OR2F2: variants seen among roughly 807,000 people sequenced by gnomAD.
The protein encoded by OR2F2 is olfactory receptor family 2 subfamily F member 2, also known as olfactory receptor 2F2.
For synonymous variants in OR2F2, 161 were observed against 159.0 expected (o/e 1.01, Z -0.09); for missense variants, 375 against 380.2 (o/e 0.99, Z 0.11).
At position 143,935,513 on chromosome 7, in the gene OR2F2, TCCAGAGCTGTGCAGC is replaced by T; in HGVS notation, c.286_300del (p.Ser96_Gln100del). On this transcript the variant is annotated inframe_deletion, in exon 1 of 1. Transcript: ENST00000408955. ...CTTGCAGAACATAAAGCCATCCCAT[TCCAGAGCTGTGCAGC>T]CCAGTTATTTTTCTCCCTGGCCTTG... is the stretch of plus-strand genomic sequence containing the variant. The T allele has an allele frequency of 6.2e-7, 1 of 1,614,200 alleles. No homozygotes were observed. The highest frequency in any genetic ancestry group is 8.5e-7 in the Non-Finnish European group (1 of 1,180,032).
At position 143,935,742 on chromosome 7, in the gene OR2F2, T is replaced by A. The variant is rs538779776; in HGVS notation, c.510T>A (p.Thr170=). The A allele has an allele frequency of 1.1e-5, 18 of 1,614,210 alleles. No individual in the cohort carries two copies. The East Asian group carries it at 1.6e-4, about 14-fold the overall frequency. The part of the protein sequence containing the change: ...TAITFQLPMC[T]NKFIDHISCE... Reference sequence around the variant, plus strand: ...TCACCTTTCAGCTGCCCATGTGCACTAACAAGTTTATTGATCACATATCCT... The same window carrying A: ...TCACCTTTCAGCTGCCCATGTGCACAAACAAGTTTATTGATCACATATCCT... Residue 170 remains threonine, a synonymous_variant, in exon 1 of 1, where the codon ACT becomes ACA. Transcript: ENST00000408955.
At position 143,935,660 on chromosome 7, in the gene OR2F2, G is replaced by C. The variant is rs766534608; in HGVS notation, c.428G>C (p.Arg143Thr). Residue 143 changes from arginine (R) to threonine (T), a missense_variant, in exon 1 of 1, where the codon AGG (arginine) becomes ACG (threonine). Transcript: ENST00000408955. Reference sequence around the variant, plus strand: ...ATCATGCATGGAGGGCTGTGTGCTAGGTTGGCCATCACATCCTGGGTCAGT... The same window carrying C: ...ATCATGCATGGAGGGCTGTGTGCTACGTTGGCCATCACATCCTGGGTCAGT... ...SAIMHGGLCA[R>T]LAITSWVSGS... is the part of the protein sequence containing the mutation. 2 of 1,614,106 alleles carry C rather than the reference G, an allele frequency of 1.2e-6. No homozygotes were observed. The highest frequency in any genetic ancestry group is 3.3e-5 in the Admixed American group (2 of 60,012).
chr7:143,935,519 G>A lies in OR2F2; in HGVS notation c.287G>A (p.Ser96Asn). The change falls in exon 1 of 1, where the codon AGC (serine) becomes AAC (asparagine). Residue 96 changes from serine (S) to asparagine (N), a missense_variant. Ser to Asn is a conservative substitution (Grantham distance 46, BLOSUM62 1). Transcript: ENST00000408955. ...LAEHKAIPFQ[S>N]CAAQLFFSLA... Reference sequence around the variant, plus strand: ...GAACATAAAGCCATCCCATTCCAGAGCTGTGCAGCCCAGTTATTTTTCTCC... The same window carrying A: ...GAACATAAAGCCATCCCATTCCAGAACTGTGCAGCCCAGTTATTTTTCTCC... The A allele has an allele frequency of 6.2e-7, 1 of 1,614,188 alleles. No individual in the cohort carries two copies. The highest frequency in any genetic ancestry group is 1.1e-5 in the South Asian group (1 of 91,078).
rs1038121941 is a variant in OR2F2 at position 143,935,701 on chromosome 7, CTT to C, written c.470_471del (p.Leu157ArgfsTer14). On this transcript the variant is annotated frameshift_variant, in exon 1 of 1. Coordinates refer to ENST00000408955, the MANE Select transcript of OR2F2 (RefSeq NM_001004685.1). LOFTEE classifies it low-confidence loss of function (END_TRUNC). ...CTGGGTCAGTGGCTCCATCAACTCT[CTT>C]GTGCAGACTGCTATCACCTTTCAGC... ...TSWVSGSINS[L>X]VQTAITFQLP... 6.2e-7 allele frequency: 1 copy of C among 1,614,116 alleles called. No homozygotes were observed. The highest frequency in any genetic ancestry group is 1.3e-5 in the African/African-American group (1 of 74,940).
Position 143,935,867 on chromosome 7 carries a change from G to A in OR2F2, c.635G>A (p.Cys212Tyr), listed in dbSNP as rs1170966215. 6.2e-7 allele frequency: 1 copy of A among 1,614,010 alleles called. No individual in the cohort carries two copies. Among genetic ancestry groups the A allele is most frequent in the Non-Finnish European group, 8.5e-7 (1 of 1,180,046 alleles). Residue 212 changes from cysteine to tyrosine, a missense_variant, in exon 1 of 1, where the codon TGC becomes TAC. By Grantham distance (194) the Cys-to-Tyr change is radical. Coordinates refer to ENST00000408955, the MANE Select transcript of OR2F2 (RefSeq NM_001004685.1). ...ATTGTTCTTCTGATGACACCTTTCT[G>A]CCTGGTTCTGTTGTCCTACATCCGG... ...SSIVLLMTPF[C>Y]LVLLSYIRII...
rs774184226 is a variant in OR2F2, at chr7:143,936,171, C to T, written c.939C>T (p.Ser313=). 33 of 1,600,790 alleles carry T rather than the reference C, an allele frequency of 2.1e-5. No homozygotes were observed. Among genetic ancestry groups the T allele is most frequent in the Non-Finnish European group, 2.6e-5 (30 of 1,174,162 alleles). The change falls in exon 1 of 1, where the codon TCC becomes TCT. Residue 313 remains serine (S), a synonymous_variant. Coordinates refer to ENST00000408955, the MANE Select transcript of OR2F2 (RefSeq NM_001004685.1). The part of the protein sequence containing the change: ...KLLEKFSGLT[S]KLGT Reference sequence around the variant, plus strand: ...TAGAGAAATTCTCTGGGTTAACATCCAAGCTGGGAACTTGACTCATGAACA... The same window carrying T: ...TAGAGAAATTCTCTGGGTTAACATCTAAGCTGGGAACTTGACTCATGAACA...
In OR2F2 at chr7:143,936,049, C is replaced by G; in HGVS notation, c.817C>G (p.Leu273Val). The change falls in exon 1 of 1, where the codon CTG becomes GTG. Residue 273 changes from leucine (L) to valine (V), a missense_variant. Leu to Val is a conservative substitution (Grantham distance 32, BLOSUM62 1). Coordinates refer to ENST00000408955, the MANE Select transcript of OR2F2 (RefSeq NM_001004685.1). ...TGGTCCCTCAGTCCTTCAAGAGAAG[C>G]TGATCTCTGTCTTCTATGCCATTGT... ...HSGPSVLQEKLISVFYAIVMP... is the reference protein window; with the variant it reads ...HSGPSVLQEKVISVFYAIVMP... 1 of 1,614,080 alleles carries G rather than the reference C, an allele frequency of 6.2e-7. No homozygotes were observed. The highest frequency in any genetic ancestry group is 1.1e-5 in the South Asian group (1 of 91,072).
In OR2F2 at chr7:143,935,403, T is replaced by G. The variant is rs796426417; in HGVS notation, c.171T>G (p.Thr57=). The G allele has an allele frequency of 3.7e-6, 6 of 1,614,172 alleles. No individual in the cohort carries two copies. In the African/African-American group the frequency reaches 8.0e-5, roughly 22 times the overall value. ...LLIRLDSRLH[T]PMYFFLTNLS... is the part of the protein sequence containing the mutation. ...TCAGACTGGACAGCCGACTCCACAC[T>G]CCCATGTATTTCTTTCTCACCAACC... is the stretch of plus-strand genomic sequence containing the variant. The change falls in exon 1 of 1, where the codon ACT becomes ACG. Residue 57 remains threonine, a synonymous_variant. Transcript: ENST00000408955.
Position 143,935,740 on chromosome 7 carries a change from A to G in OR2F2, c.508A>G (p.Thr170Ala), listed in dbSNP as rs13229174. Residue 170 changes from threonine to alanine, a missense_variant, in exon 1 of 1, where the codon ACT becomes GCT. By Grantham distance (58) the Thr-to-Ala change is moderately conservative. Transcript: ENST00000408955. ...TATCACCTTTCAGCTGCCCATGTGCACTAACAAGTTTATTGATCACATATC... is the reference window on the plus strand; with the variant it reads ...TATCACCTTTCAGCTGCCCATGTGCGCTAACAAGTTTATTGATCACATATC... ...TAITFQLPMC[T>A]NKFIDHISCE... 0.18 allele frequency: 290,640 copies of G among 1,614,082 alleles called. 28,518 individuals are homozygous for G. Among genetic ancestry groups the G allele is most frequent in the Non-Finnish European group, 0.21 (242,368 of 1,179,994 alleles).
At position 143,935,723 on chromosome 7, in the gene OR2F2, T is replaced by C. The variant is rs749075783; in HGVS notation, c.491T>C (p.Phe164Ser). ...TCTCTTGTGCAGACTGCTATCACCT[T>C]TCAGCTGCCCATGTGCACTAACAAG... ...INSLVQTAIT[F>S]QLPMCTNKFI... is the part of the protein sequence containing the mutation. Residue 164 changes from phenylalanine (F) to serine (S), a missense_variant, in exon 1 of 1, where the codon TTT (phenylalanine) becomes TCT (serine). Phe to Ser is a radical substitution (Grantham distance 155, BLOSUM62 -2). Coordinates refer to ENST00000408955, the MANE Select transcript of OR2F2 (RefSeq NM_001004685.1). 6.2e-7 allele frequency: 1 copy of C among 1,614,218 alleles called. No homozygotes were observed. Among genetic ancestry groups the C allele is most frequent in the Admixed American group, 1.7e-5 (1 of 60,028 alleles).
rs755050627 is a variant in OR2F2, at chr7:143,935,996, C to T, written c.764C>T (p.Thr255Met). Residue 255 changes from threonine (T) to methionine (M), a missense_variant, in exon 1 of 1, where the codon ACG becomes ATG. Transcript: ENST00000408955. Reference sequence around the variant, plus strand: ...GTGGTTGCCCTGTGCTACGGCACAACGATTTTCACTTACATCCAGCCCCAC... The same window carrying T: ...GTGGTTGCCCTGTGCTACGGCACAATGATTTTCACTTACATCCAGCCCCAC... Reference protein sequence around the residue: ...LTVVALCYGTTIFTYIQPHSG... With the variant: ...LTVVALCYGTMIFTYIQPHSG... 1.1e-5 allele frequency: 17 copies of T among 1,613,840 alleles called. No homozygotes were observed. Among genetic ancestry groups the T allele is most frequent in the East Asian group, 4.5e-5 (2 of 44,882 alleles).
rs764168797 is a variant in OR2F2, at chr7:143,935,402, C to T, written c.170C>T (p.Thr57Ile). The T allele has an allele frequency of 2.5e-6, 4 of 1,614,186 alleles. No individual in the cohort carries two copies. Among genetic ancestry groups the T allele is most frequent in the Non-Finnish European group, 3.4e-6 (4 of 1,180,036 alleles). Reference protein sequence around the residue: ...LLIRLDSRLHTPMYFFLTNLS... With the variant: ...LLIRLDSRLHIPMYFFLTNLS... ...ATCAGACTGGACAGCCGACTCCACA[C>T]TCCCATGTATTTCTTTCTCACCAAC... is the stretch of plus-strand genomic sequence containing the variant. The change falls in exon 1 of 1, where the codon ACT becomes ATT. Residue 57 changes from threonine to isoleucine, a missense_variant. Transcript: ENST00000408955.
Position 143,935,904 on chromosome 7 carries a change from C to T in OR2F2, c.672C>T (p.Thr224=), listed in dbSNP as rs199769704. The T allele has an allele frequency of 1.3e-4, 210 of 1,614,026 alleles. No homozygotes were observed. The highest frequency in any genetic ancestry group is 1.7e-4 in the Non-Finnish European group (202 of 1,180,040). Residue 224 remains threonine, a synonymous_variant, in exon 1 of 1, where the codon ACC becomes ACT. Transcript: ENST00000408955. ...TGTCCTACATCCGGATCATCTCCACCATCCTAAAGATCCAGTCCAGAGAAG... is the reference window on the plus strand; with the variant it reads ...TGTCCTACATCCGGATCATCTCCACTATCCTAAAGATCCAGTCCAGAGAAG... The part of the protein sequence containing the change: ...VLLSYIRIIS[T]ILKIQSREGR...
rs200544694 is a variant in OR2F2 at position 143,935,277 on chromosome 7, T to A, written c.45T>A (p.Leu15=). Residue 15 remains leucine (L), a synonymous_variant, in exon 1 of 1, where the codon CTT becomes CTA. Transcript: ENST00000408955. The part of the protein sequence containing the change: ...NQTWVREFIL[L]GLSSDWCTQI... Reference sequence around the variant, plus strand: ...CGTGGGTGAGAGAATTTATTCTCCTTGGCTTATCCAGTGACTGGTGCACTC... The same window carrying A: ...CGTGGGTGAGAGAATTTATTCTCCTAGGCTTATCCAGTGACTGGTGCACTC... 1 of 1,614,158 alleles carries A rather than the reference T, an allele frequency of 6.2e-7. No homozygotes were observed. The highest frequency in any genetic ancestry group is 1.3e-5 in the African/African-American group (1 of 75,056).
In OR2F2 at chr7:143,935,261, G is replaced by A. The variant is rs767350080; in HGVS notation, c.29G>A (p.Arg10Lys). The change falls in exon 1 of 1, where the codon AGA becomes AAA. Residue 10 changes from arginine (R) to lysine (K), a missense_variant. Coordinates refer to ENST00000408955, the MANE Select transcript of OR2F2 (RefSeq NM_001004685.1). The part of the protein sequence containing the change: MEIDNQTWV[R>K]EFILLGLSSD... ...GAAATAGATAACCAGACGTGGGTGA[G>A]AGAATTTATTCTCCTTGGCTTATCC... 5 of 1,613,200 alleles carry A rather than the reference G, an allele frequency of 3.1e-6. No individual in the cohort carries two copies. Among genetic ancestry groups the A allele is most frequent in the Non-Finnish European group, 4.2e-6 (5 of 1,179,358 alleles).
Position 143,935,842 on chromosome 7 carries a change from A to G in OR2F2, c.610A>G (p.Ile204Val), listed in dbSNP as rs770041307. Residue 204 changes from isoleucine to valine, a missense_variant, in exon 1 of 1, where the codon ATT becomes GTT. Coordinates refer to ENST00000408955, the MANE Select transcript of OR2F2 (RefSeq NM_001004685.1). ...TGAGGCTGCCATCATGGTGTCTAGC[A>G]TTGTTCTTCTGATGACACCTTTCTG... The part of the protein sequence containing the change: ...SNEAAIMVSS[I>V]VLLMTPFCLV... The G allele has an allele frequency of 3.7e-5, 59 of 1,614,068 alleles. No individual in the cohort carries two copies. The Middle Eastern group carries it at 4.9e-4, about 13-fold the overall frequency.
At position 143,935,755 on chromosome 7, in the gene OR2F2, G is replaced by A; in HGVS notation, c.523G>A (p.Asp175Asn). Residue 175 changes from aspartate (D) to asparagine (N), a missense_variant, in exon 1 of 1, where the codon GAT (aspartate) becomes AAT (asparagine). Transcript: ENST00000408955. ...GCCCATGTGCACTAACAAGTTTATTGATCACATATCCTGTGAACTCCTAGC... is the reference window on the plus strand; with the variant it reads ...GCCCATGTGCACTAACAAGTTTATTAATCACATATCCTGTGAACTCCTAGC... ...QLPMCTNKFI[D>N]HISCELLAVV... The A allele has an allele frequency of 6.2e-7, 1 of 1,614,168 alleles. No individual in the cohort carries two copies. Among genetic ancestry groups the A allele is most frequent in the Non-Finnish European group, 8.5e-7 (1 of 1,180,044 alleles).
At position 143,935,964 on chromosome 7, in the gene OR2F2, C is replaced by T. The variant is rs1050836668; in HGVS notation, c.732C>T (p.His244=). Residue 244 remains histidine, a synonymous_variant, in exon 1 of 1, where the codon CAC becomes CAT. Coordinates refer to ENST00000408955, the MANE Select transcript of OR2F2 (RefSeq NM_001004685.1). ...AAGCCTTCCACACGTGTGCCTCTCACCTCACGGTGGTTGCCCTGTGCTACG... is the reference window on the plus strand; with the variant it reads ...AAGCCTTCCACACGTGTGCCTCTCATCTCACGGTGGTTGCCCTGTGCTACG... ...RKKAFHTCAS[H]LTVVALCYGT... The T allele has an allele frequency of 1.9e-6, 3 of 1,613,994 alleles. No homozygotes were observed. Among genetic ancestry groups the T allele is most frequent in the Non-Finnish European group, 2.5e-6 (3 of 1,180,048 alleles).
chr7:143,935,447 C>G lies in OR2F2; in HGVS notation c.215C>G (p.Ser72Cys). The change falls in exon 1 of 1, where the codon TCC becomes TGC. Residue 72 changes from serine to cysteine, a missense_variant. Physicochemically the swap from Ser to Cys is moderately radical, Grantham distance 112. Transcript: ENST00000408955. ...FLTNLSLVDV[S>C]YATSVVPQLL... ...ACCAACCTCTCCCTTGTCGATGTCT[C>G]CTATGCCACAAGCGTAGTCCCCCAG... 6.2e-7 allele frequency: 1 copy of G among 1,614,226 alleles called. No individual in the cohort carries two copies. Among genetic ancestry groups the G allele is most frequent in the Non-Finnish European group, 8.5e-7 (1 of 1,180,036 alleles).
Sources: gnomAD v4.1 joint callset for allele counts on GRCh38, gnomAD v4.1.1 for gene constraint, MANE v1.5 for transcripts, NCBI Gene and HGNC (gene_info 2026-07-23, HGNC 2026-07-21) for gene names.